NALF1: variants seen among roughly 807,000 people sequenced by gnomAD.
The protein encoded by NALF1 is NALCN channel auxiliary factor 1, also known as family with sequence similarity 155 member A.
In NALF1, 3 loss-of-function variants were observed where a neutral mutation model predicts 48.4. The observed-to-expected ratio is 0.06, with a 90% confidence interval of 0.03 to 0.16. The LOEUF (loss-of-function observed/expected upper bound fraction) is 0.16. NALF1 is among the 10% of genes least tolerant of loss of function. NALF1 has a pLI of 1.00. For missense variants in NALF1, 526 were observed against 571.5 expected (o/e 0.92, Z 0.81); for synonymous variants, 262 against 245.7 (o/e 1.07, Z -0.62).
intron 1 of NALF1, among the ~76,000 whole-genome samples, chr13:107,690,125 T>C (rs1881533401): frequency 6.6e-6 from 1 of 152,046 alleles, no homozygotes; most frequent in Admixed American, 6.5e-5. Context: ...ATGAAGAATA[T>C]GAAAAAAGAG....
intron 1 of NALF1, among the ~76,000 whole-genome samples, chr13:107,683,308 G>A (rs1881349681): frequency 6.6e-6 from 1 of 152,112 alleles, no homozygotes; most frequent in South Asian, 2.1e-4. Context: ...ACATAAGAAA[G>A]CATAATTTTA....
At chr13:107,859,304 C>T (rs1025730141) in intron 1 of NALF1, among the ~76,000 whole-genome samples, 1 of 152,166 alleles carries the variant, frequency 6.6e-6, no homozygotes, top group Admixed American at 6.5e-5. Context: ...TCACCCACCA[C>T]ACATGTTCTA....
intron 1 of NALF1, among the ~76,000 whole-genome samples, chr13:107,513,489 C>T (rs543429757): frequency 3.9e-4 from 59 of 152,112 alleles, no homozygotes; most frequent in African/African-American, 1.3e-3. Flanking sequence ...AAGACTGAAG[C>T]ATCCCATCTT....
At chr13:107,538,451 G>A (rs1314215786) in intron 1 of NALF1, among the ~76,000 whole-genome samples, 1 of 152,080 alleles carries the variant, frequency 6.6e-6, no homozygotes, top group Non-Finnish European at 1.5e-5. Context: ...TTATGTTAAA[G>A]GTGAAACCAT....
At chr13:107,391,764 C>G (rs887726453) in intron 1 of NALF1, among the ~76,000 whole-genome samples, 1 of 152,116 alleles carries the variant, frequency 6.6e-6, no homozygotes, top group South Asian at 2.1e-4. Context: ...GCCCTGCCCC[C>G]GCTTTGAGTT....
Position 107,611,130 on chromosome 13 carries a change from T to C in NALF1, c.915+254552A>G, listed in dbSNP as rs1041092103. ...TACTTTGTGTAATTATTTCATTTTG[T>C]TCCCCTCCTGGTATTTAGCAGTCCT... On this transcript the variant is annotated intron_variant, in intron 1 of 2. Transcript: ENST00000375915. Among the ~76,000 whole-genome samples the C allele has an allele frequency of 2.6e-5, 4 of 152,188 alleles. No individual in the cohort carries two copies. The East Asian group carries it at 7.7e-4, about 29-fold the overall frequency.
chr13:107,820,678 T>C (rs1486919645), intron 1 of NALF1, among the ~76,000 whole-genome samples: 1 of 152,190 alleles, frequency 6.6e-6, no homozygotes, highest in East Asian at 1.9e-4. Flanking sequence ...CTTAAATGCT[T>C]CACATTTTAA....
At chr13:107,419,922 A>G (rs969882942) in intron 1 of NALF1, among the ~76,000 whole-genome samples, 1 of 151,894 alleles carries the variant, frequency 6.6e-6, no homozygotes, top group Admixed American at 6.5e-5. Flanking sequence ...TGAGACAACA[A>G]TTTACTTATA....
intron 1 of NALF1, among the ~76,000 whole-genome samples, chr13:107,851,807 T>A (rs1209515648): frequency 7.4e-6 from 1 of 134,644 alleles, no homozygotes; most frequent in Admixed American, 7.5e-5. Flanking sequence ...GGCCCTTTCT[T>A]TTTTTTTTTT....
intron 1 of NALF1, among the ~76,000 whole-genome samples, chr13:107,854,134 C>A (rs1426526802): frequency 6.6e-5 from 10 of 152,180 alleles, no homozygotes; most frequent in Non-Finnish European, 2.9e-5. Flanking sequence ...TAAAAACGAA[C>A]ATTCGGTGTA....
intron 1 of NALF1, among the ~76,000 whole-genome samples, chr13:107,570,929 A>T (rs1877970284): frequency 6.6e-6 from 1 of 152,192 alleles, no homozygotes; most frequent in Non-Finnish European, 1.5e-5. Context: ...TGAAAAAAAG[A>T]TAAAGAATCT....
chr13:107,304,464 CTGAT>C (rs1373334527), intron 1 of NALF1, among the ~76,000 whole-genome samples: 6 of 152,162 alleles, frequency 3.9e-5, no homozygotes, highest in African/African-American at 9.7e-5. Context: ...GTTATCTCAA[CTGAT>C]AATGACAGCA....
rs114645903 is a variant in NALF1, at chr13:107,814,337, T to C, written c.915+51345A>G. ...CAAAACCAGTCGCACACGGAGGCTG[T>C]AGACCCTTCCTTTTACTGGCCATCC... On this transcript the variant is annotated intron_variant, in intron 1 of 2. Transcript: ENST00000375915. Among the ~76,000 whole-genome samples, 116 of 152,298 alleles carry C rather than the reference T, an allele frequency of 7.6e-4. 2 individuals are homozygous for C. Among genetic ancestry groups the C allele is most frequent in the African/African-American group, 2.4e-3 (100 of 41,564 alleles).
At chr13:107,763,471 CAAA>C (rs750250035) in intron 1 of NALF1, among the ~76,000 whole-genome samples, 7 of 79,164 alleles carry the variant, frequency 8.8e-5, no homozygotes, top group African/African-American at 2.0e-4. Flanking sequence ...TATTAAAATT[CAAA>C]AAAAAAAAAA....
intron 1 of NALF1, among the ~76,000 whole-genome samples, chr13:107,775,819 C>T (rs1434553954): frequency 7.1e-6 from 1 of 140,548 alleles, no homozygotes; most frequent in Non-Finnish European, 1.6e-5. Context: ...GTATTATGTT[C>T]CCCACACAAA....
At chr13:107,596,647 A>T (rs1878759467) in intron 1 of NALF1, among the ~76,000 whole-genome samples, 1 of 152,062 alleles carries the variant, frequency 6.6e-6, no homozygotes, top group South Asian at 2.1e-4. Flanking sequence ...CAGGGAGAGG[A>T]ACATCACACA....
chr13:107,569,229 G>A (rs1441218763), intron 1 of NALF1, among the ~76,000 whole-genome samples: 4 of 152,094 alleles, frequency 2.6e-5, no homozygotes, highest in Non-Finnish European at 4.4e-5. Context: ...CAGCACTTTG[G>A]GAGGCCGAGG....
At chr13:107,333,790 T>G (rs1374596934) in intron 1 of NALF1, among the ~76,000 whole-genome samples, 1 of 152,208 alleles carries the variant, frequency 6.6e-6, no homozygotes, top group Non-Finnish European at 1.5e-5. Context: ...TACTTTCTCC[T>G]TTTACCTGAG....
At chr13:107,263,921 C>T (rs536181529) in intron 1 of NALF1, among the ~76,000 whole-genome samples, 21 of 152,170 alleles carry the variant, frequency 1.4e-4, no homozygotes, top group Admixed American at 5.9e-4. Context: ...ATACACACAG[C>T]TACCTCACAG....
Sources: gnomAD v4.1 joint callset for allele counts (sites outside exome capture counted in the v4.1 genomes callset) on GRCh38, gnomAD v4.1.1 for gene constraint, MANE v1.5 for transcripts, NCBI Gene and HGNC (gene_info 2026-07-23, HGNC 2026-07-21) for gene names.